Variants in PHGR1 observed in about 807,000 individuals in gnomAD.
PHGR1 encodes the protein proline, histidine and glycine-rich protein 1.
PHGR1 carries 3 observed loss-of-function variants against 4.9 expected under a neutral mutation model. The ratio of observed to expected loss-of-function variants is 0.61; its 90% CI spans 0.28 to 1.58. The LOEUF is 1.58. Among genes scored for constraint, PHGR1 ranks in the 40% most tolerant of loss-of-function variants. PHGR1 has a pLI of 0.11. For missense variants in PHGR1, 81 were observed against 118.7 expected (o/e 0.68, Z 1.48); for synonymous variants, 32 against 46.1 (o/e 0.69, Z 1.24).
At chr15:40,355,100 C>G (rs555841938) in intron 3 of PHGR1, among the ~76,000 whole-genome samples, 2 of 152,010 alleles carry the variant, frequency 1.3e-5, no homozygotes, top group Non-Finnish European at 2.9e-5. Context: ...CCCCAGACCC[C>G]GAGTCCCCTA....
chr15:40,351,124 T>C (rs893228852), intron 1 of PHGR1, 62 bp downstream of exon 1: 2 of 152,552 alleles, frequency 1.3e-5, no homozygotes, highest in African/African-American at 4.8e-5. Context: ...GGGTATGTTG[T>C]GTGTGCATGT....
chr15:40,356,233 A>C lies in PHGR1; in HGVS notation c.179A>C (p.His60Pro). 7.0e-7 allele frequency: 1 copy of C among 1,432,166 alleles called. No homozygotes were observed. Among genetic ancestry groups the C allele is most frequent in the Non-Finnish European group, 9.3e-7 (1 of 1,081,020 alleles). The allele number at this position is 1,432,166 out of a possible 1,614,324, so 88.7% of individuals were successfully genotyped here. A position where few individuals can be genotyped will look rare whatever the true frequency, so the allele number is the denominator to read the frequency against. Residue 60 changes from histidine (H) to proline (P), a missense_variant, in exon 4 of 4, where the codon CAT (histidine) becomes CCT (proline). By Grantham distance (77) the His-to-Pro change is moderately conservative (BLOSUM62 -2). Coordinates refer to ENST00000448599, the MANE Select transcript of PHGR1 (RefSeq NM_001145643.2). Reference sequence around the variant, plus strand: ...GGGCCCTGCGGGCCACCCCCCCACCATGGTCCAGGGCCCTGCGGGCCTCCC... The same window carrying C: ...GGGCCCTGCGGGCCACCCCCCCACCCTGGTCCAGGGCCCTGCGGGCCTCCC... Reference protein sequence around the residue: ...GPGPCGPPPHHGPGPCGPPPG... With the variant: ...GPGPCGPPPHPGPGPCGPPPG...
intron 1 of PHGR1, among the ~76,000 whole-genome samples, chr15:40,352,364 T>G (rs767341888): frequency 2.0e-4 from 30 of 152,160 alleles, no homozygotes; most frequent in Non-Finnish European, 1.5e-5. Context: ...TATTTGCTCC[T>G]GACGTCACAT....
At chr15:40,354,921 C>T (rs1038198598) in intron 3 of PHGR1, among the ~76,000 whole-genome samples, 8 of 152,184 alleles carry the variant, frequency 5.3e-5, no homozygotes, top group African/African-American at 1.7e-4. Flanking sequence ...ATCACTGAGC[C>T]TGGATGGGGC....
At position 40,356,234 on chromosome 15, in the gene PHGR1, T is replaced by G; in HGVS notation, c.180T>G (p.His60Gln). 7.0e-7 allele frequency: 1 copy of G among 1,429,462 alleles called. No individual in the cohort carries two copies. Among genetic ancestry groups the G allele is most frequent in the Non-Finnish European group, 9.3e-7 (1 of 1,076,826 alleles). 88.5% of individuals were successfully genotyped at this position (1,429,462 alleles called of 1,614,324 possible). A position where few individuals can be genotyped will look rare whatever the true frequency, so the allele number is the denominator to read the frequency against. ...GPGPCGPPPH[H>Q]GPGPCGPPPG... ...GGCCCTGCGGGCCACCCCCCCACCA[T>G]GGTCCAGGGCCCTGCGGGCCTCCCC... The change falls in exon 4 of 4, where the codon CAT becomes CAG. Residue 60 changes from histidine (H) to glutamine (Q), a missense_variant. Transcript: ENST00000448599.
intron 3 of PHGR1, among the ~76,000 whole-genome samples, chr15:40,355,807 C>T (rs368101882): frequency 6.6e-6 from 1 of 152,182 alleles, no homozygotes; most frequent in Admixed American, 6.5e-5. Flanking sequence ...TAAAATAAAT[C>T]GAGGTACAGG....
chr15:40,354,688 A>G (rs374560833), intron 3 of PHGR1, among the ~76,000 whole-genome samples: 2 of 152,018 alleles, frequency 1.3e-5, no homozygotes, highest in East Asian at 3.9e-4. Flanking sequence ...GGCTACCCCC[A>G]CAGCCTTGCT....
At chr15:40,351,886 G>A (rs1316710680) in intron 1 of PHGR1, among the ~76,000 whole-genome samples, 1 of 152,026 alleles carries the variant, frequency 6.6e-6, no homozygotes, top group Non-Finnish European at 1.5e-5. Context: ...ACAGGTTCCC[G>A]CCACCATGCC....
At position 40,354,349 on chromosome 15, in the gene PHGR1, G is replaced by A. The variant is rs1167582198; in HGVS notation, c.15G>A (p.Pro5=). 1.2e-5 allele frequency: 19 copies of A among 1,536,028 alleles called. No homozygotes were observed. The South Asian group carries it at 1.3e-4, about 11-fold the overall frequency. The change falls in exon 3 of 4, where the codon CCG becomes CCA. Residue 5 remains proline, a synonymous_variant. Transcript: ENST00000448599. ...TTTTCCCTTCCTCTCCCACAGGTCC[G>A]AAGGTAGGAAAGTTCCCCCAATGGT... MDPG[P]KGHCHCGGHG...
At chr15:40,354,283 T>G (rs1388824443) in intron 2 of PHGR1, 62 bp from the exon 3 acceptor site, 31 of 1,520,846 alleles carry the variant, frequency 2.0e-5, no homozygotes, top group Non-Finnish European at 2.7e-5. Context: ...AAGACAGGTT[T>G]TTTTTTACTG....
intron 3 of PHGR1, among the ~76,000 whole-genome samples, chr15:40,355,855 A>G (rs767718162): frequency 1.3e-5 from 2 of 152,212 alleles, no homozygotes; most frequent in Non-Finnish European, 2.9e-5. Context: ...AATAGAAACC[A>G]ATAAATCTAG....
Position 40,356,113 on chromosome 15 carries a change from AC to A in PHGR1, c.60del (p.Cys21AlafsTer87), listed in dbSNP as rs1889290851. 1 of 1,541,304 alleles carries A rather than the reference AC, an allele frequency of 6.5e-7. No individual in the cohort carries two copies. Among genetic ancestry groups the A allele is most frequent in the East Asian group, 2.5e-5 (1 of 40,316 alleles). On this transcript the variant is annotated frameshift_variant, in exon 4 of 4. Coordinates refer to ENST00000448599, the MANE Select transcript of PHGR1 (RefSeq NM_001145643.2). LOFTEE classifies it low-confidence loss of function (END_TRUNC). Reference protein sequence around the residue: ...HCGGHGHPPGHCGPPPGHGPG... With the variant: ...HCGGHGHPPGXCGPPPGHGPG... ...GGGGGGCATGGCCATCCTCCAGGTC[AC>A]TGCGGGCCACCCCCTGGCCATGGCC...
intron 1 of PHGR1, among the ~76,000 whole-genome samples, chr15:40,351,337 G>A (rs1324262448): frequency 6.6e-6 from 1 of 152,184 alleles, no homozygotes; most frequent in Non-Finnish European, 1.5e-5. Context: ...GAAATTGCAT[G>A]AGGTCCCTTC....
intron 1 of PHGR1, 122 bp from the exon 2 acceptor site, chr15:40,353,110 G>GGT (rs57886573): frequency 0.033 from 18,442 of 563,800 alleles, 173 homozygotes; most frequent in Middle Eastern, 0.043. Flanking sequence ...TCCTTTGAAG[G>GGT]GTGTGTGTGT....
In PHGR1 at chr15:40,356,431, T is replaced by C. The variant is rs1889303958; in HGVS notation, c.*128T>C. On this transcript the variant is annotated 3_prime_UTR_variant, in exon 4 of 4. Transcript: ENST00000448599. Reference sequence around the variant, plus strand: ...CTCCTAGAGGCCACATTCTATTCTTTAAAGAGCCTGTCTTCCTTCATATCC... The same window carrying C: ...CTCCTAGAGGCCACATTCTATTCTTCAAAGAGCCTGTCTTCCTTCATATCC... The C allele has an allele frequency of 7.0e-7, 1 of 1,437,148 alleles. No individual in the cohort carries two copies. Among genetic ancestry groups the C allele is most frequent in the African/African-American group, 1.4e-5 (1 of 70,676 alleles). The allele number at this position is 1,437,148 out of a possible 1,614,324, so 89.0% of individuals were successfully genotyped here.
chr15:40,351,284 A>G (rs1889204061), intron 1 of PHGR1, among the ~76,000 whole-genome samples: 1 of 152,194 alleles, frequency 6.6e-6, no homozygotes, highest in African/African-American at 2.4e-5. Flanking sequence ...TATGATTTAT[A>G]GCCTTTGCCA....
intron 2 of PHGR1, chr15:40,353,564 G>A (rs1889242604): frequency 7.6e-6 from 3 of 394,992 alleles, no homozygotes; most frequent in South Asian, 3.7e-5. Flanking sequence ...TCAGGGAAAG[G>A]CCATAGAGGT....
At chr15:40,353,188 G>A (rs1889236395) in intron 1 of PHGR1, 44 bp from the exon 2 acceptor site, 3 of 1,532,084 alleles carry the variant, frequency 2.0e-6, no homozygotes, top group Non-Finnish European at 2.7e-6. Flanking sequence ...AGGAAAGACT[G>A]CAATTTAGAT....
intron 1 of PHGR1, 108 bp from the exon 2 acceptor site, chr15:40,353,124 T>C (rs1404721272): frequency 2.5e-6 from 2 of 815,848 alleles, no homozygotes; most frequent in Non-Finnish European, 3.9e-6. Context: ...TGTGTGTGTG[T>C]GTGTGTGTGT....
Sources: gnomAD v4.1 joint callset for allele counts (sites outside exome capture counted in the v4.1 genomes callset) on GRCh38, gnomAD v4.1.1 for gene constraint, MANE v1.5 for transcripts, NCBI Gene and HGNC (gene_info 2026-07-23, HGNC 2026-07-21) for gene names.